NRCAM: variants seen among roughly 807,000 people sequenced by gnomAD.
NRCAM encodes the protein neuronal cell adhesion molecule, also known as NgCAM-related cell adhesion molecule.
A neutral mutation model predicts 156.5 loss-of-function variants in NRCAM; 83 were observed. The observed-to-expected ratio is 0.53, with a 90% CI of 0.44 to 0.64. The LOEUF is 0.64. Ranked by LOEUF, NRCAM falls within the 30% of genes least tolerant of loss-of-function variation. The pLI is 0.00. For missense variants in NRCAM, 1,417 were observed against 1,597.3 expected (o/e 0.89, Z 1.92); for synonymous variants, 538 against 563.9 (o/e 0.95, Z 0.65).
rs972630688 is a variant in NRCAM at position 108,199,633 on chromosome 7, A to T, written c.1208-1534T>A. On this transcript the variant is annotated intron_variant, in intron 13 of 32. Coordinates refer to ENST00000379028, the MANE Select transcript of NRCAM (RefSeq NM_001037132.4). ...CTGTCGATGTTGCATCTCTCTGATCATTCTTCCATAGTCACCTTTCTTTCC... is the reference window on the plus strand; with the variant it reads ...CTGTCGATGTTGCATCTCTCTGATCTTTCTTCCATAGTCACCTTTCTTTCC... Among the ~76,000 whole-genome samples the T allele has an allele frequency of 5.9e-5, 9 of 152,144 alleles. No homozygotes were observed. In the South Asian group the frequency reaches 8.3e-4, roughly 14 times the overall value.
At chr7:108,224,067 A>G (rs1029709819) in intron 10 of NRCAM, among the ~76,000 whole-genome samples, 6 of 152,186 alleles carry the variant, frequency 3.9e-5, no homozygotes, top group African/African-American at 1.4e-4. Context: ...ACTAATAATA[A>G]GGACTGTTTT....
intron 2 of NRCAM, among the ~76,000 whole-genome samples, chr7:108,375,047 AG>A (rs2099667714): frequency 2.0e-5 from 3 of 152,254 alleles, no homozygotes; most frequent in South Asian, 2.1e-4. Flanking sequence ...TCAGAAAGCT[AG>A]AAGGCTAGCC....
intron 1 of NRCAM, among the ~76,000 whole-genome samples, chr7:108,404,454 G>A (rs953799598): frequency 2.6e-5 from 4 of 152,086 alleles, no homozygotes; most frequent in African/African-American, 7.2e-5. Flanking sequence ...TACTGAAAAC[G>A]TCGTTTTTCT....
chr7:108,213,584 T>C (rs1406370191), intron 11 of NRCAM, among the ~76,000 whole-genome samples: 1 of 152,158 alleles, frequency 6.6e-6, no homozygotes, highest in East Asian at 1.9e-4. Flanking sequence ...AGTTATTTCA[T>C]GCAAATGGAC....
intron 25 of NRCAM, among the ~76,000 whole-genome samples, 154 bp downstream of exon 25, chr7:108,180,069 T>C (rs886990611): frequency 7.2e-5 from 11 of 152,202 alleles, no homozygotes; most frequent in African/African-American, 2.4e-4. Context: ...TGATCTGACA[T>C]TTTGGTAGCT....
At chr7:108,372,589 T>C (rs371121415) in intron 2 of NRCAM, among the ~76,000 whole-genome samples, 6 of 152,078 alleles carry the variant, frequency 3.9e-5, no homozygotes, top group African/African-American at 1.4e-4. Flanking sequence ...CCAATAGGTA[T>C]ATTAAAAAAA....
At chr7:108,199,002 C>T (rs1013141638) in intron 13 of NRCAM, among the ~76,000 whole-genome samples, 5 of 152,172 alleles carry the variant, frequency 3.3e-5, no homozygotes, top group Non-Finnish European at 4.4e-5. Context: ...ACACTTTAGG[C>T]TTTGAGCTTA....
chr7:108,222,549 AT>A (rs1005984292), intron 11 of NRCAM, among the ~76,000 whole-genome samples: 4 of 151,696 alleles, frequency 2.6e-5, no homozygotes, highest in African/African-American at 9.7e-5. Context: ...AACTGGGAGG[AT>A]TTTTTTTTCT....
intron 30 of NRCAM, 74 bp downstream of exon 30, chr7:108,166,844 GCCC>G: frequency 7.2e-7 from 1 of 1,384,446 alleles, no homozygotes; most frequent in Non-Finnish European, 1.0e-6. Flanking sequence ...AGCTCCACCA[GCCC>G]CCATCTCCAG....
chr7:108,240,048 ATTATT>A lies in NRCAM; in HGVS notation c.12_16del (p.Lys4AsnfsTer23). ...CGCAGATAAGCGCTTCTTTTTCGGC[ATTATT>A]TTAAGCTGCATTAGCTTAACTCCTG... On this transcript the variant is annotated frameshift_variant, in exon 4 of 33. Transcript: ENST00000379028. LOFTEE classifies it high-confidence loss of function. 1 of 1,612,960 alleles carries A rather than the reference ATTATT, an allele frequency of 6.2e-7. No homozygotes were observed. Among genetic ancestry groups the A allele is most frequent in the East Asian group, 2.2e-5 (1 of 44,862 alleles).
chr7:108,152,955 C>T (rs2042636119), intron 32 of NRCAM, among the ~76,000 whole-genome samples: 1 of 152,038 alleles, frequency 6.6e-6, no homozygotes, highest in South Asian at 2.1e-4. Flanking sequence ...AAGATGGTGC[C>T]AGGATTTTTG....
chr7:108,432,784 C>A (rs535779647), intron 1 of NRCAM, among the ~76,000 whole-genome samples: 1 of 152,022 alleles, frequency 6.6e-6, no homozygotes, highest in Admixed American at 6.6e-5. Context: ...CACCTATAGT[C>A]CTAGCTACTA....
intron 1 of NRCAM, among the ~76,000 whole-genome samples, chr7:108,436,563 GAATACA>G (rs1832466309): frequency 6.6e-6 from 1 of 152,262 alleles, no homozygotes; most frequent in East Asian, 1.9e-4. Flanking sequence ...GCAAGGTCAT[GAATACA>G]GGGGAGCTGA....
chr7:108,175,414 G>A (rs2060100472), intron 27 of NRCAM, 57 bp from the exon 28 acceptor site: 1 of 1,374,238 alleles, frequency 7.3e-7, no homozygotes, highest in South Asian at 1.3e-5. Flanking sequence ...ACACACCCAT[G>A]AGCATGTATA....
chr7:108,220,109 CA>C (rs34737202), intron 11 of NRCAM, among the ~76,000 whole-genome samples: 24,083 of 136,856 alleles, frequency 0.18, 2,853 homozygotes, highest in East Asian at 0.61. Flanking sequence ...TAATAGCTGC[CA>C]AAAAAAAAAA....
At chr7:108,341,807 A>G (rs961933966) in intron 2 of NRCAM, among the ~76,000 whole-genome samples, 2 of 152,054 alleles carry the variant, frequency 1.3e-5, no homozygotes, top group African/African-American at 4.8e-5. Flanking sequence ...TCCCTCCAAT[A>G]CTCCAATTCT....
chr7:108,299,721 T>C (rs901255317), intron 3 of NRCAM, among the ~76,000 whole-genome samples: 9 of 152,198 alleles, frequency 5.9e-5, no homozygotes, highest in African/African-American at 2.2e-4. Flanking sequence ...TTATTTGTCA[T>C]GTACATACAG....
upstream of NRCAM, chr7:108,456,541 C>G (rs946177259): frequency 1.3e-5 from 2 of 152,166 alleles, no homozygotes; most frequent in Non-Finnish European, 2.9e-5. Context: ...TCCCGTCCCC[C>G]TCCCCCGCAC....
chr7:108,417,832 C>T (rs1434834879), intron 1 of NRCAM, among the ~76,000 whole-genome samples: 1 of 152,172 alleles, frequency 6.6e-6, no homozygotes, highest in Non-Finnish European at 1.5e-5. Flanking sequence ...ATACCACTCA[C>T]GGACAGTCAC....
Sources: allele counts gnomAD v4.1 joint callset (sites outside exome capture counted in the v4.1 genomes callset), GRCh38; gene constraint gnomAD v4.1.1; transcripts MANE v1.5; gene names NCBI Gene and HGNC (gene_info 2026-07-23, HGNC 2026-07-21).